Variants in DSCC1 observed in about 807,000 individuals in gnomAD.
The protein encoded by DSCC1 is sister chromatid cohesion protein DCC1.
A neutral mutation model predicts 48.2 loss-of-function variants in DSCC1; 32 were observed. The ratio of observed to expected loss-of-function variants is 0.66; its 90% confidence interval spans 0.50 to 0.89. The LOEUF is 0.89. Among genes scored for constraint, DSCC1 ranks in the 40% least tolerant of loss-of-function variants. The pLI is 0.00. For synonymous variants in DSCC1, 150 were observed against 171.5 expected (o/e 0.87, Z 0.98); for missense variants, 421 against 471.7 (o/e 0.89, Z 1.00).
chr8:119,847,195 G>T, intron 3 of DSCC1, 115 bp from the exon 4 acceptor site: 3 of 781,356 alleles, frequency 3.8e-6, no homozygotes, highest in Non-Finnish European at 6.1e-6. Flanking sequence ...TTATGCACTA[G>T]CTCAGTTTCT....
chr8:119,843,606 T>C lies in DSCC1; in HGVS notation c.716+3A>G, dbSNP rs369520183. 7 of 1,601,474 alleles carry C rather than the reference T, an allele frequency of 4.4e-6. No homozygotes were observed. Among genetic ancestry groups the C allele is most frequent in the African/African-American group, 2.7e-5 (2 of 73,908 alleles). ...TGGATAGACAAGAAATTAAAATACT[T>C]ACTCTGGCTCCAATGGTCCGAGTTC... On this transcript the variant is annotated splice_donor_region_variant and intron_variant, in intron 5 of 8. Coordinates refer to ENST00000313655, the MANE Select transcript of DSCC1 (RefSeq NM_024094.3).
chr8:119,845,365 A>G (rs1826841103), intron 4 of DSCC1, among the ~76,000 whole-genome samples: 1 of 152,254 alleles, frequency 6.6e-6, no homozygotes, highest in East Asian at 1.9e-4. Flanking sequence ...GACTACAGGC[A>G]TGAGCCACTA....
chr8:119,835,436 G>C (rs1336447794), intron 8 of DSCC1, among the ~76,000 whole-genome samples: 1 of 152,062 alleles, frequency 6.6e-6, no homozygotes, highest in South Asian at 2.1e-4. Flanking sequence ...GAACCCGGGA[G>C]GCAGAGGTTG....
intron 4 of DSCC1, among the ~76,000 whole-genome samples, chr8:119,846,113 CT>C (rs531156237): frequency 0.13 from 15,666 of 117,412 alleles, 767 homozygotes; most frequent in Middle Eastern, 0.27. Flanking sequence ...TGTCTAAGGA[CT>C]TTTTTTTTTT....
intron 8 of DSCC1, among the ~76,000 whole-genome samples, chr8:119,837,856 G>T (rs1373361723): frequency 6.6e-6 from 1 of 152,172 alleles, no homozygotes; most frequent in African/African-American, 2.4e-5. Flanking sequence ...GGGGACTCAA[G>T]ATTTTGTAAG....
chr8:119,839,904 T>C (rs1455977637), intron 7 of DSCC1: 1 of 152,232 alleles, frequency 6.6e-6, no homozygotes, highest in Admixed American at 6.5e-5. Context: ...AAGTCATCCG[T>C]GATTGACCAG....
chr8:119,847,152 G>C, intron 3 of DSCC1, 72 bp from the exon 4 acceptor site: 1 of 1,285,598 alleles, frequency 7.8e-7, no homozygotes, highest in Middle Eastern at 2.5e-4. Flanking sequence ...TGAATATTGA[G>C]GAATAAATAC....
rs1164144436 is a variant in DSCC1, at chr8:119,855,883, G to A, written c.-88C>T. 5 of 1,368,802 alleles carry A rather than the reference G, an allele frequency of 3.7e-6. No individual in the cohort carries two copies. In the South Asian group the frequency reaches 6.5e-5, roughly 18 times the overall value. 84.8% of individuals were successfully genotyped at this position (1,368,802 alleles called of 1,614,324 possible). A position where few individuals can be genotyped will look rare whatever the true frequency, so the allele number is the denominator to read the frequency against. On this transcript the variant is annotated 5_prime_UTR_variant, in exon 1 of 9. Coordinates refer to ENST00000313655, the MANE Select transcript of DSCC1 (RefSeq NM_024094.3). ...GAAGTTCCCAAGCAGCCGGAAGGTA[G>A]GAAACCTGAGCGTTTGAAAGCGCGC...
chr8:119,855,826 C>A lies in DSCC1; in HGVS notation c.-31G>T, dbSNP rs868413278. ...CGCCGGGTCTAGGAGTCCCGCCGCG[C>A]CCGGGTGGCTGCGGGCTTGGCGGGC... On this transcript the variant is annotated 5_prime_UTR_variant, in exon 1 of 9. Coordinates refer to ENST00000313655, the MANE Select transcript of DSCC1 (RefSeq NM_024094.3). The A allele has an allele frequency of 4.9e-6, 7 of 1,428,922 alleles. No individual in the cohort carries two copies. Among genetic ancestry groups the A allele is most frequent in the African/African-American group, 1.5e-5 (1 of 66,010 alleles). 88.5% of individuals were successfully genotyped at this position (1,428,922 alleles called of 1,614,324 possible).
chr8:119,847,086 AAAAG>A lies in DSCC1; in HGVS notation c.487-10_487-7del. On this transcript the variant is annotated splice_region_variant and splice_polypyrimidine_tract_variant and intron_variant, in intron 3 of 8. Coordinates refer to ENST00000313655, the MANE Select transcript of DSCC1 (RefSeq NM_024094.3). ...AGCAAATCTTCAGTTGTATACTGCAAAAAGAAAAAAATATTTTAAGGCCTTTGAA... is the reference window on the plus strand; with the variant it reads ...AGCAAATCTTCAGTTGTATACTGCAAAAAAAAATATTTTAAGGCCTTTGAA... The A allele has an allele frequency of 6.2e-7, 1 of 1,609,942 alleles. No individual in the cohort carries two copies. The highest frequency in any genetic ancestry group is 1.1e-5 in the South Asian group (1 of 90,794).
intron 7 of DSCC1, chr8:119,839,038 G>A (rs1275078612): frequency 1.3e-5 from 2 of 152,116 alleles, no homozygotes; most frequent in Non-Finnish European, 2.9e-5. Context: ...CCAGTCCCTA[G>A]CCGTCTATTT....
At chr8:119,848,513 T>C (rs1323751600) in intron 3 of DSCC1, among the ~76,000 whole-genome samples, 1 of 152,182 alleles carries the variant, frequency 6.6e-6, no homozygotes, top group African/African-American at 2.4e-5. Context: ...CATGAAAAGA[T>C]GTTCAACATC....
At chr8:119,847,630 T>C (rs763423897) in intron 3 of DSCC1, among the ~76,000 whole-genome samples, 67 of 151,774 alleles carry the variant, frequency 4.4e-4, no homozygotes, top group Non-Finnish European at 7.6e-4. Flanking sequence ...CTGAACTGTA[T>C]ACTTTAAAAT....
At chr8:119,849,184 CAA>C (rs550853227) in intron 3 of DSCC1, among the ~76,000 whole-genome samples, 3 of 29,508 alleles carry the variant, frequency 1.0e-4, no homozygotes, top group African/African-American at 3.8e-4. Flanking sequence ...GACTCCCTCT[CAA>C]AAAAAAAAAA....
intron 5 of DSCC1, 108 bp from the exon 6 acceptor site, chr8:119,842,936 C>T (rs1826795002): frequency 1.1e-6 from 1 of 909,926 alleles, no homozygotes; most frequent in Admixed American, 3.0e-5. Flanking sequence ...ATTTCAAATA[C>T]TAAGTGATTT....
chr8:119,838,230 TC>T (rs1563942622), intron 8 of DSCC1, 28 bp downstream of exon 8: 17 of 1,517,278 alleles, frequency 1.1e-5, no homozygotes, highest in Non-Finnish European at 1.5e-5. Flanking sequence ...AGAACGACCC[TC>T]AAAATCCGTC....
At chr8:119,853,959 T>C (rs1302240382) in intron 1 of DSCC1, among the ~76,000 whole-genome samples, 7 of 152,320 alleles carry the variant, frequency 4.6e-5, no homozygotes, top group Non-Finnish European at 8.8e-5. Context: ...CCTGTAATCC[T>C]AGCACTTTAG....
At chr8:119,850,641 A>G (rs1032554197) in intron 2 of DSCC1, 125 bp from the exon 3 acceptor site, 2 of 812,070 alleles carry the variant, frequency 2.5e-6, no homozygotes, top group Non-Finnish European at 3.6e-6. Context: ...TCTGCTTTGT[A>G]TCAGGAAGGT....
chr8:119,845,133 G>A (rs1245864901), intron 4 of DSCC1, among the ~76,000 whole-genome samples: 2 of 151,694 alleles, frequency 1.3e-5, no homozygotes, highest in Non-Finnish European at 2.9e-5. Flanking sequence ...TGCCCAGGCT[G>A]GAGGCGTAGT....
Sources: allele counts gnomAD v4.1 joint callset (sites outside exome capture counted in the v4.1 genomes callset), GRCh38; gene constraint gnomAD v4.1.1; transcripts MANE v1.5; gene names NCBI Gene and HGNC (gene_info 2026-07-23, HGNC 2026-07-21).